Variants in ARHGAP44 observed in about 807,000 individuals in gnomAD.
The protein encoded by ARHGAP44 is rho GTPase-activating protein 44.
A neutral mutation model predicts 106.8 loss-of-function variants in ARHGAP44; 43 were observed. The observed-to-expected ratio is 0.40, with a 90% CI of 0.32 to 0.52. The LOEUF is 0.52. Ranked by LOEUF, ARHGAP44 falls within the 20% of genes least tolerant of loss-of-function variation. The pLI is 0.48. For missense variants in ARHGAP44, 866 were observed against 1,050.5 expected (o/e 0.82, Z 2.43); for synonymous variants, 439 against 410.3 (o/e 1.07, Z -0.85).
chr17:12,806,716 T>G (rs1012517634), intron 1 of ARHGAP44, among the ~76,000 whole-genome samples: 6 of 152,192 alleles, frequency 3.9e-5, no homozygotes, highest in Admixed American at 2.0e-4. Flanking sequence ...CCATTTAGGT[T>G]TTGTCAGCCT....
chr17:12,900,931 TTTTTTA>T (rs1444551933), intron 3 of ARHGAP44, among the ~76,000 whole-genome samples: 28 of 140,662 alleles, frequency 2.0e-4, no homozygotes, highest in Non-Finnish European at 2.1e-4. Flanking sequence ...TTTTTTTTTT[TTTTTTA>T]ATTGAGATGG....
At chr17:12,843,844 C>T (rs1371220707) in intron 1 of ARHGAP44, among the ~76,000 whole-genome samples, 5 of 151,402 alleles carry the variant, frequency 3.3e-5, no homozygotes, top group Admixed American at 6.6e-5. Flanking sequence ...TTAGTAGATT[C>T]GGGGGTTTCA....
intron 1 of ARHGAP44, among the ~76,000 whole-genome samples, chr17:12,804,449 G>A (rs77589712): frequency 0.018 from 2,714 of 152,280 alleles, 44 homozygotes; most frequent in South Asian, 0.053. Context: ...GACCTTCATG[G>A]CGAAGGGATG....
intron 3 of ARHGAP44, among the ~76,000 whole-genome samples, chr17:12,901,691 G>C (rs1226823288): frequency 6.6e-6 from 1 of 152,014 alleles, no homozygotes; most frequent in African/African-American, 2.4e-5. Flanking sequence ...GAAAATGCAG[G>C]GTGAGAAGAC....
chr17:12,807,906 A>G (rs1206925782), intron 1 of ARHGAP44, among the ~76,000 whole-genome samples: 1 of 152,244 alleles, frequency 6.6e-6, no homozygotes, highest in Non-Finnish European at 1.5e-5. Context: ...CTGTAAAACC[A>G]AAATCAAGTT....
At chr17:12,800,668 G>A in intron 1 of ARHGAP44, among the ~76,000 whole-genome samples, 1 of 152,186 alleles carries the variant, frequency 6.6e-6, no homozygotes, top group East Asian at 1.9e-4. Flanking sequence ...CAGGAACTAG[G>A]CTATGTAGTT....
In ARHGAP44 at chr17:12,862,413, G is replaced by C. The variant is rs572034449; in HGVS notation, c.54-32527G>C. Among the ~76,000 whole-genome samples, 3 of 152,236 alleles carry C rather than the reference G, an allele frequency of 2.0e-5. No individual in the cohort carries two copies. The South Asian group carries it at 6.2e-4, about 32-fold the overall frequency. ...TGTGTCCTCCTCCTGAGTTGGTAAC[G>C]CAGGCACAACATAAATGAATTCCTC... On this transcript the variant is annotated intron_variant, in intron 1 of 20. Transcript: ENST00000379672.
intron 7 of ARHGAP44, among the ~76,000 whole-genome samples, chr17:12,929,577 A>G (rs1348215125): frequency 6.6e-6 from 1 of 152,202 alleles, no homozygotes; most frequent in Admixed American, 6.5e-5. Flanking sequence ...TCGTTCTGAA[A>G]ACTGCGACTC....
intron 10 of ARHGAP44, among the ~76,000 whole-genome samples, chr17:12,948,723 T>TAC (rs71369353): frequency 0.14 from 4,188 of 29,342 alleles, 150 homozygotes; most frequent in African/African-American, 0.29. Context: ...CCAACACACA[T>TAC]ACACACACAC....
intron 7 of ARHGAP44, among the ~76,000 whole-genome samples, chr17:12,929,648 T>C (rs2038343179): frequency 6.6e-6 from 1 of 152,190 alleles, no homozygotes; most frequent in Non-Finnish European, 1.5e-5. Flanking sequence ...CTCCTTTTCT[T>C]GCAAATATTT....
In ARHGAP44 at chr17:12,850,823, G is replaced by A. The variant is rs370812158; in HGVS notation, c.54-44117G>A. On this transcript the variant is annotated intron_variant, in intron 1 of 20. Coordinates refer to ENST00000379672, the MANE Select transcript of ARHGAP44 (RefSeq NM_014859.6). ...GGTCAGTTCCTGGTACGTAGCAGGT[G>A]CTCAGTAAGTATTTGGTGAATGAAT... is the stretch of plus-strand genomic sequence containing the variant. Among the ~76,000 whole-genome samples the A allele has an allele frequency of 2.6e-5, 4 of 152,158 alleles. No homozygotes were observed. The East Asian group carries it at 5.8e-4, about 22-fold the overall frequency.
At chr17:12,946,671 C>T (rs36185425) in intron 10 of ARHGAP44, among the ~76,000 whole-genome samples, 6,296 of 151,550 alleles carry the variant, frequency 0.042, 195 homozygotes, top group Non-Finnish European at 0.061. Context: ...TAGTGGCACA[C>T]GCATCTGTAA....
At chr17:12,980,330 A>T in intron 19 of ARHGAP44, 97 bp downstream of exon 19, 13 of 1,343,416 alleles carry the variant, frequency 9.7e-6, no homozygotes, top group Non-Finnish European at 1.3e-5. Context: ...ATATTGAGAA[A>T]CTGTGTGGTT....
intron 1 of ARHGAP44, among the ~76,000 whole-genome samples, chr17:12,805,509 G>T (rs774832705): frequency 1.3e-5 from 2 of 152,012 alleles, no homozygotes; most frequent in African/African-American, 2.4e-5. Flanking sequence ...AGATTTTTCT[G>T]TACTAACAAG....
chr17:12,802,965 A>ATTTTTT (rs2034158996), intron 1 of ARHGAP44, among the ~76,000 whole-genome samples: 1 of 27,026 alleles, frequency 3.7e-5, no homozygotes, highest in African/African-American at 1.3e-4. Context: ...ATATATATAT[A>ATTTTTT]TATATTTTTT....
intron 7 of ARHGAP44, among the ~76,000 whole-genome samples, chr17:12,932,710 C>CTT (rs34745789): frequency 2.8e-5 from 4 of 143,074 alleles, no homozygotes; most frequent in African/African-American, 7.6e-5. Flanking sequence ...TTCTTTCTTT[C>CTT]TTTTTTTTTT....
rs909516639 is a variant in ARHGAP44, at chr17:12,949,498, A to C, written c.974-151A>C. The C allele has an allele frequency of 2.6e-6, 2 of 761,420 alleles. No individual in the cohort carries two copies. Among genetic ancestry groups the C allele is most frequent in the Admixed American group, 2.7e-5 (1 of 36,888 alleles). The allele number at this position is 761,420 out of a possible 1,614,324, so 47.2% of individuals were successfully genotyped here. ...GGGCCAGGTCCCCTGTCAGAGCCTC[A>C]TACCCATTTCCATAGGAAGCTACCA... On this transcript the variant is annotated intron_variant, in intron 11 of 20. Coordinates refer to ENST00000379672, the MANE Select transcript of ARHGAP44 (RefSeq NM_014859.6). The surrounding 1 kb of genome is among the most constrained non-coding windows in gnomAD (Gnocchi z 4.1).
chr17:12,907,820 G>T (rs928744787), intron 3 of ARHGAP44, among the ~76,000 whole-genome samples: 2 of 151,986 alleles, frequency 1.3e-5, no homozygotes, highest in Admixed American at 6.6e-5. Context: ...AGTTACTTTG[G>T]ATATATACCC....
At chr17:12,804,411 C>T (rs781468621) in intron 1 of ARHGAP44, among the ~76,000 whole-genome samples, 4 of 152,124 alleles carry the variant, frequency 2.6e-5, no homozygotes, top group East Asian at 1.9e-4. Flanking sequence ...TGGAGTTGGA[C>T]GTGGGGATAG....
Sources: allele counts gnomAD v4.1 joint callset (sites outside exome capture counted in the v4.1 genomes callset), GRCh38; gene constraint gnomAD v4.1.1; non-coding constraint Gnocchi (gnomAD v3.1); transcripts MANE v1.5; gene names NCBI Gene and HGNC (gene_info 2026-07-23, HGNC 2026-07-21).